The following SLC6A4 variants were observed in gnomAD, a reference collection of about 807,000 sequenced individuals.
SLC6A4 encodes the protein solute carrier family 6 member 4, also known as sodium-dependent serotonin transporter.
A neutral mutation model predicts 73.4 loss-of-function variants in SLC6A4; 22 were observed. The observed-to-expected ratio is 0.30, with a 90% CI of 0.21 to 0.43. The LOEUF (loss-of-function observed/expected upper bound fraction) is 0.43, where lower values mean the gene tolerates loss of function less well. Among genes scored for constraint, SLC6A4 ranks in the 20% least tolerant of loss-of-function variants. The pLI, the probability that SLC6A4 is intolerant of heterozygous loss-of-function variation, is 1.00. For synonymous variants in SLC6A4, 270 were observed against 315.5 expected (o/e 0.86, Z 1.53); for missense variants, 593 against 808.5 (o/e 0.73, Z 3.23).
chr17:30,216,262 G>T, intron 6 of SLC6A4, 46 bp from the exon 7 acceptor site: 2 of 857,694 alleles, frequency 2.3e-6, no homozygotes, highest in Non-Finnish European at 3.4e-6. Context: ...GGGAGGGGAG[G>T]GGAGGGGAGG....
chr17:30,214,390 C>G (rs1462905577), intron 8 of SLC6A4, among the ~76,000 whole-genome samples: 1 of 124,360 alleles, frequency 8.0e-6, no homozygotes, highest in Admixed American at 1.1e-4. Flanking sequence ...CCATTGCACT[C>G]CAGCCTGGAC....
intron 8 of SLC6A4, among the ~76,000 whole-genome samples, chr17:30,213,640 A>C (rs1234428443): frequency 6.6e-6 from 1 of 152,190 alleles, no homozygotes; most frequent in African/African-American, 2.4e-5. Flanking sequence ...CTTTAAAAAA[A>C]TCAGTTTTAC....
chr17:30,231,602 T>C (rs1212481016), intron 1 of SLC6A4, among the ~76,000 whole-genome samples: 1 of 152,102 alleles, frequency 6.6e-6, no homozygotes, highest in Non-Finnish European at 1.5e-5. Flanking sequence ...AAATTAGATA[T>C]ATGCATAATT....
rs367763813 is a variant in SLC6A4, at chr17:30,199,167, G to A, written c.1819-637C>T. Among the ~76,000 whole-genome samples the A allele has an allele frequency of 1.1e-4, 17 of 152,258 alleles. No homozygotes were observed. In the East Asian group the frequency reaches 2.3e-3, roughly 21 times the overall value. On this transcript the variant is annotated intron_variant, in intron 14 of 14. Coordinates refer to ENST00000650711, the MANE Select transcript of SLC6A4 (RefSeq NM_001045.6). Reference sequence around the variant, plus strand: ...GATGTAGTACTCATCACAGAGAAGTGGCTGAGAAGGTCTACTATAGAAACA... The same window carrying A: ...GATGTAGTACTCATCACAGAGAAGTAGCTGAGAAGGTCTACTATAGAAACA...
intron 8 of SLC6A4, among the ~76,000 whole-genome samples, chr17:30,214,966 CT>C (rs1434879366): frequency 7.1e-6 from 1 of 140,786 alleles, no homozygotes; most frequent in Non-Finnish European, 1.6e-5. Context: ...TTCCTTCCTT[CT>C]TTCTTCTTTC....
intron 1 of SLC6A4, among the ~76,000 whole-genome samples, chr17:30,224,221 T>C: frequency 6.7e-6 from 1 of 150,060 alleles, no homozygotes; most frequent in Admixed American, 6.6e-5. Context: ...GGCCCCACAG[T>C]TTTGTTTTTT....
At chr17:30,215,810 G>C in intron 7 of SLC6A4, 96 bp from the exon 8 acceptor site, 1 of 1,074,714 alleles carries the variant, frequency 9.3e-7, no homozygotes, top group South Asian at 1.3e-5. Flanking sequence ...ATGTGGCTAA[G>C]TGCAGAGGCA....
chr17:30,198,644 A>C lies in SLC6A4; in HGVS notation c.1819-114T>G, dbSNP rs1159977416. The C allele has an allele frequency of 1.5e-5, 9 of 605,432 alleles. No individual in the cohort carries two copies. In the East Asian group the frequency reaches 2.3e-4, roughly 16 times the overall value. 37.5% of individuals were successfully genotyped at this position (605,432 alleles called of 1,614,324 possible). A position where few individuals can be genotyped will look rare whatever the true frequency, so the allele number is the denominator to read the frequency against. ...AAATAACACTTTAATAACATCTAAG[A>C]GCGAGTTGGAATAGTCTCACTGACA... is the stretch of plus-strand genomic sequence containing the variant. On this transcript the variant is annotated intron_variant, in intron 14 of 14. Transcript: ENST00000650711.
chr17:30,197,209 T>C lies in SLC6A4; in HGVS notation c.*1247A>G, dbSNP rs199839117. The C allele has an allele frequency of 6.6e-6, 1 of 152,372 alleles. No individual in the cohort carries two copies. The highest frequency in any genetic ancestry group is 2.1e-4 in the South Asian group (1 of 4,836). The allele number at this position is 152,372 out of a possible 1,614,324, so 9.4% of individuals were successfully genotyped here. ...TTATGTGAAATGAAAGGTGATTTAC[T>C]TAGCTGACCATTTCCCAAGCAGCCT... On this transcript the variant is annotated 3_prime_UTR_variant, in exon 15 of 15. Transcript: ENST00000650711.
chr17:30,215,527 C>T (rs372422462), intron 8 of SLC6A4, 84 bp downstream of exon 8: 34 of 1,126,180 alleles, frequency 3.0e-5, no homozygotes, highest in South Asian at 1.7e-4. Flanking sequence ...GATTCGAGGC[C>T]GTCGGTCCAA....
At chr17:30,217,145 A>G in intron 6 of SLC6A4, 21 bp downstream of exon 6, 1 of 1,609,928 alleles carries the variant, frequency 6.2e-7, no homozygotes, top group Non-Finnish European at 8.5e-7. Flanking sequence ...GGCCTGGGTC[A>G]GCAGCCAGAG....
intron 14 of SLC6A4, among the ~76,000 whole-genome samples, chr17:30,199,466 G>A (rs2077547682): frequency 6.6e-6 from 1 of 152,166 alleles, no homozygotes; most frequent in Non-Finnish European, 1.5e-5. Context: ...TTTAGGTGAA[G>A]TTCTGCCCCT....
intron 1 of SLC6A4, among the ~76,000 whole-genome samples, chr17:30,223,662 G>A (rs545109111): frequency 2.0e-5 from 3 of 152,312 alleles, no homozygotes; most frequent in African/African-American, 4.8e-5. Flanking sequence ...TCAGCTTCAT[G>A]TAGCTAGGGG....
At chr17:30,230,084 G>C (rs543229546) in intron 1 of SLC6A4, among the ~76,000 whole-genome samples, 1 of 128,190 alleles carries the variant, frequency 7.8e-6, no homozygotes, top group Admixed American at 7.2e-5. Context: ...AGAAGAAGAA[G>C]AAGAAGAAGA....
chr17:30,208,858 A>ATTT (rs35246799), intron 12 of SLC6A4, among the ~76,000 whole-genome samples: 1 of 144,036 alleles, frequency 6.9e-6, no homozygotes, highest in African/African-American at 2.6e-5. Flanking sequence ...TGCCCGGCTA[A>ATTT]TTTTTTTTTT....
At chr17:30,199,967 T>C (rs929702515) in intron 14 of SLC6A4, among the ~76,000 whole-genome samples, 1 of 151,618 alleles carries the variant, frequency 6.6e-6, no homozygotes, top group African/African-American at 2.4e-5. Flanking sequence ...GGCACAATCA[T>C]GCCTCACTGC....
intron 13 of SLC6A4, chr17:30,204,449 C>G (rs1225192254): frequency 6.6e-6 from 1 of 152,076 alleles, no homozygotes; most frequent in Non-Finnish European, 1.5e-5. Flanking sequence ...TCCTCATCCC[C>G]AGAGCCGGCT....
At chr17:30,205,814 T>C (rs1315804211) in intron 13 of SLC6A4, among the ~76,000 whole-genome samples, 1 of 152,168 alleles carries the variant, frequency 6.6e-6, no homozygotes, top group Non-Finnish European at 1.5e-5. Flanking sequence ...TTGTCCATCA[T>C]AGATAAGTTA....
chr17:30,234,502 A>C (rs955255546), intron 1 of SLC6A4, among the ~76,000 whole-genome samples: 8 of 152,194 alleles, frequency 5.3e-5, no homozygotes, highest in Non-Finnish European at 7.3e-5. Flanking sequence ...CTGGGGCCTC[A>C]GTGGCTTCAC....
Sources: gnomAD v4.1 joint callset for allele counts (sites outside exome capture counted in the v4.1 genomes callset) on GRCh38, gnomAD v4.1.1 for gene constraint, MANE v1.5 for transcripts, NCBI Gene and HGNC (gene_info 2026-07-23, HGNC 2026-07-21) for gene names.